Variants in GAK observed in about 807,000 individuals in gnomAD.
GAK encodes cyclin-G-associated kinase.
GAK carries 79 observed loss-of-function variants against 143.9 expected under a neutral mutation model. The ratio of observed to expected loss-of-function variants is 0.55; its 90% confidence interval spans 0.46 to 0.66. The LOEUF (loss-of-function observed/expected upper bound fraction) is 0.66, where lower values mean the gene tolerates loss of function less well. Ranked by LOEUF, GAK falls within the 30% of genes least tolerant of loss-of-function variation. The pLI is 0.00. For missense variants in GAK, 1,693 were observed against 1,779.7 expected (o/e 0.95, Z 0.88); for synonymous variants, 881 against 765.5 (o/e 1.15, Z -2.49).
At position 896,476 on chromosome 4, in the gene GAK, T is replaced by G; in HGVS notation, c.725A>C (p.Glu242Ala). ...IDLYSNFPIG[E>A]KQDIWALGCI... ...AGACCTCACCCAGATATCCTGCTTC[T>G]CGCCGATCGGGAAGTTGGAATACAA... The change falls in exon 7 of 28, where the codon GAG becomes GCG. Residue 242 changes from glutamate to alanine, a missense_variant. Glu to Ala is a moderately radical substitution (Grantham distance 107). Around this residue, in one of 2 missense-constraint regions of GAK, gnomAD observed 871 missense variants for 991.0 expected, o/e 0.88. Transcript: ENST00000314167. 1 of 1,613,990 alleles carries G rather than the reference T, an allele frequency of 6.2e-7. No individual in the cohort carries two copies. Among genetic ancestry groups the G allele is most frequent in the Non-Finnish European group, 8.5e-7 (1 of 1,179,866 alleles).
At chr4:908,627 T>G (rs1396906914) in intron 4 of GAK, among the ~76,000 whole-genome samples, 1 of 152,008 alleles carries the variant, frequency 6.6e-6, no homozygotes, top group East Asian at 1.9e-4. Context: ...AAGAAAAGTT[T>G]ACTCTTTAAA....
At chr4:874,526 C>T (rs1315363580) in intron 18 of GAK, among the ~76,000 whole-genome samples, 1 of 152,096 alleles carries the variant, frequency 6.6e-6, no homozygotes, top group Non-Finnish European at 1.5e-5. Context: ...TTAGAGACGG[C>T]GCGCCTCAGC....
rs148447075 is a variant in GAK at position 913,510 on chromosome 4, A to G, written c.207+97T>C. 1.4e-3 allele frequency: 1,348 copies of G among 955,832 alleles called. 22 individuals carry two copies. In the African/African-American group the frequency reaches 0.019, roughly 13 times the overall value. 59.2% of individuals were successfully genotyped at this position (955,832 alleles called of 1,614,324 possible). A position where few individuals can be genotyped will look rare whatever the true frequency, so the allele number is the denominator to read the frequency against. On this transcript the variant is annotated intron_variant, in intron 2 of 27. Coordinates refer to ENST00000314167, the MANE Select transcript of GAK (RefSeq NM_005255.4). ...GTATGTCCAGGCTGTAAAAGGAAACAAAGTACGTAACAGGGACGCATCCCT... is the reference window on the plus strand; with the variant it reads ...GTATGTCCAGGCTGTAAAAGGAAACGAAGTACGTAACAGGGACGCATCCCT...
At chr4:911,644 G>A (rs2152935032) in intron 4 of GAK, 29 bp downstream of exon 4, 2 of 1,519,574 alleles carry the variant, frequency 1.3e-6, no homozygotes, top group Middle Eastern at 3.5e-4. Context: ...GGGTTAGATG[G>A]CACCAAGCCG....
chr4:884,451 A>T (rs1200077009), intron 11 of GAK: 1 of 254,866 alleles, frequency 3.9e-6, no homozygotes, highest in Non-Finnish European at 7.6e-6. Flanking sequence ...GCTGGAGAGC[A>T]AGGGTGGCTT....
At position 853,466 on chromosome 4, in the gene GAK, T is replaced by C. The variant is rs768426557; in HGVS notation, c.3284-1492A>G. 4.6e-5 allele frequency: 7 copies of C among 152,276 alleles called. 1 individual carries two copies. Among genetic ancestry groups the C allele is most frequent in the Non-Finnish European group, 1.0e-4 (7 of 68,080 alleles). 9.4% of individuals were successfully genotyped at this position (152,276 alleles called of 1,614,324 possible). A position where few individuals can be genotyped will look rare whatever the true frequency, so the allele number is the denominator to read the frequency against. On this transcript the variant is annotated intron_variant, in intron 24 of 27. Coordinates refer to ENST00000314167, the MANE Select transcript of GAK (RefSeq NM_005255.4). ...CCAGAGCGGCCCTGCCACTTGTCAC[T>C]CCCTGGGAATGCCTGAGAGACACGG...
intron 25 of GAK, 53 bp downstream of exon 25, chr4:851,697 C>G: frequency 6.4e-7 from 1 of 1,550,886 alleles, no homozygotes; most frequent in South Asian, 1.1e-5. Context: ...TACCTTTAGC[C>G]AATTCAGGGA....
chr4:884,272 C>G, intron 11 of GAK, 186 bp from the exon 12 acceptor site: 1 of 578,648 alleles, frequency 1.7e-6, no homozygotes, highest in East Asian at 3.0e-5. Flanking sequence ...TGCTGTGGAG[C>G]TGACCCCTAC....
chr4:916,446 G>C (rs1723102416), intron 1 of GAK, among the ~76,000 whole-genome samples: 1 of 152,160 alleles, frequency 6.6e-6, no homozygotes, highest in South Asian at 2.1e-4. Context: ...GAAGAGACGA[G>C]GTTTCGCCAA....
Position 866,959 on chromosome 4 carries a change from C to G in GAK, c.2869G>C (p.Ala957Pro), listed in dbSNP as rs143655919. The G allele has an allele frequency of 2.0e-5, 29 of 1,484,328 alleles. 1 individual carries two copies. The South Asian group carries it at 4.0e-4, about 20-fold the overall frequency. The allele number at this position is 1,484,328 out of a possible 1,614,324, so 91.9% of individuals were successfully genotyped here. The change falls in exon 21 of 28, where the codon GCT becomes CCT. Residue 957 changes from alanine (A) to proline (P), a missense_variant. This residue lies in a region of GAK where 822 missense variants were observed against 788.7 expected (regional missense o/e 1.04). Coordinates refer to ENST00000314167, the MANE Select transcript of GAK (RefSeq NM_005255.4). ...CCTTCAGAACAGAAACACGTACCAG[C>G]GGCAGGGGGCCCTCCTCTTGGGGTG... Reference protein sequence around the residue: ...QSTPRGGPPAAADPFGPLLPS... With the variant: ...QSTPRGGPPAPADPFGPLLPS...
At chr4:869,127 G>A (rs878979019) in intron 19 of GAK, 22 of 81,636 alleles carry the variant, frequency 2.7e-4, no homozygotes, top group Non-Finnish European at 4.8e-4. Context: ...CGAATGCACA[G>A]ACAGCACACA....
intron 7 of GAK, 130 bp downstream of exon 7, chr4:896,327 AAAG>A: frequency 1.5e-6 from 1 of 680,936 alleles, no homozygotes; most frequent in Non-Finnish European, 2.6e-6. Context: ...AGGAAAAAGA[AAAG>A]GGGACGGGAG....
At position 849,618 on chromosome 4, in the gene GAK, C is replaced by A; in HGVS notation, c.*55G>T. The A allele has an allele frequency of 1.4e-6, 2 of 1,425,334 alleles. No individual in the cohort carries two copies. The highest frequency in any genetic ancestry group is 2.4e-5 in the East Asian group (1 of 41,782). 88.3% of individuals were successfully genotyped at this position (1,425,334 alleles called of 1,614,324 possible). ...GGGTCCTCACGGTGGGGACCCAGGT[C>A]CCACGACGGCTCCCAACCTGTGGAG... On this transcript the variant is annotated 3_prime_UTR_variant, in exon 28 of 28. Coordinates refer to ENST00000314167, the MANE Select transcript of GAK (RefSeq NM_005255.4).
rs1747737877 is a variant in GAK, at chr4:849,790, GGTGTAAGC to G, written c.3835-24_3835-17del. The G allele has an allele frequency of 2.5e-6, 4 of 1,606,210 alleles. No individual in the cohort carries two copies. In the Admixed American group the frequency reaches 6.7e-5, roughly 27 times the overall value. On this transcript the variant is annotated splice_polypyrimidine_tract_variant and intron_variant, in intron 27 of 27. Transcript: ENST00000314167. ...GCCCCGCAGCCTATGGGTGACAGGC[GGTGTAAGC>G]GCCTCTTATAAGCATGCGGGGGCGG...
At chr4:863,750 C>T (rs886205835) in intron 23 of GAK, among the ~76,000 whole-genome samples, 4 of 152,206 alleles carry the variant, frequency 2.6e-5, no homozygotes, top group African/African-American at 7.2e-5. Flanking sequence ...ATGGCCAGGC[C>T]GTGGTGGCTC....
At chr4:877,955 A>G in intron 15 of GAK, 146 bp from the exon 16 acceptor site, 2 of 619,876 alleles carry the variant, frequency 3.2e-6, no homozygotes, top group Non-Finnish European at 2.7e-6. Flanking sequence ...TGATGTTATA[A>G]TTTTCATTTA....
chr4:864,637 C>T (rs751054826), intron 23 of GAK, among the ~76,000 whole-genome samples: 8 of 152,006 alleles, frequency 5.3e-5, no homozygotes, highest in Non-Finnish European at 8.8e-5. Flanking sequence ...GGGCACGGGG[C>T]GTCGCAAACA....
chr4:882,038 G>T lies in GAK; in HGVS notation c.1530C>A (p.Asp510Glu). Reference sequence around the variant, plus strand: ...CGGCCACAGCAGACGCGGCTCTCCCGTCCTAGGACAGACAGACACGTCTCG... The same window carrying T: ...CGGCCACAGCAGACGCGGCTCTCCCTTCCTAGGACAGACAGACACGTCTCG... Reference protein sequence around the residue: ...HKNVCVVHCMDGRAASAVAVC... With the variant: ...HKNVCVVHCMEGRAASAVAVC... The change falls in exon 15 of 28, where the codon GAC becomes GAA. Residue 510 changes from aspartate (D) to glutamate (E), a missense_variant and splice_region_variant. Around this residue, in one of 2 missense-constraint regions of GAK, gnomAD observed 871 missense variants for 991.0 expected, o/e 0.88. Coordinates refer to ENST00000314167, the MANE Select transcript of GAK (RefSeq NM_005255.4). The T allele has an allele frequency of 6.2e-7, 1 of 1,602,844 alleles. No individual in the cohort carries two copies. The highest frequency in any genetic ancestry group is 1.1e-5 in the South Asian group (1 of 89,464).
chr4:896,155 T>C (rs1296178122), intron 7 of GAK, among the ~76,000 whole-genome samples: 3 of 152,040 alleles, frequency 2.0e-5, no homozygotes, highest in Non-Finnish European at 2.9e-5. Context: ...TCCCAGCTAC[T>C]CGGGAGGCTG....
Sources: gnomAD v4.1 joint callset for allele counts (sites outside exome capture counted in the v4.1 genomes callset) on GRCh38, gnomAD v4.1.1 for gene constraint, gnomAD v4.1.1 regional missense constraint, MANE v1.5 for transcripts, NCBI Gene and HGNC (gene_info 2026-07-23, HGNC 2026-07-21) for gene names.